ERC1: variants seen among roughly 807,000 people sequenced by gnomAD.
The protein encoded by ERC1 is RAB6 interacting protein 2.
Under a neutral mutation model 132.0 loss-of-function variants are expected in ERC1, and 56 were observed. That is an observed-to-expected ratio of 0.42 (90% CI 0.34 to 0.53). The LOEUF is 0.53. Among genes scored for constraint, ERC1 ranks in the 20% least tolerant of loss-of-function variants. The pLI is 0.03. For missense variants in ERC1, 1,202 were observed against 1,349.9 expected (o/e 0.89, Z 1.72); for synonymous variants, 478 against 476.1 (o/e 1.00, Z -0.05).
chr12:1,007,354 T>C (rs1332891487), intron 1 of ERC1, among the ~76,000 whole-genome samples: 5 of 152,164 alleles, frequency 3.3e-5, no homozygotes, highest in Non-Finnish European at 5.9e-5. Flanking sequence ...GGAAGCCAAC[T>C]AGGAGGCTGT....
chr12:1,206,293 C>T (rs2154287980), intron 12 of ERC1, among the ~76,000 whole-genome samples: 1 of 152,082 alleles, frequency 6.6e-6, no homozygotes, highest in East Asian at 1.9e-4. Context: ...TTTATTACTG[C>T]TTTGATACTG....
chr12:1,137,107 T>C (rs1949330082), intron 7 of ERC1, among the ~76,000 whole-genome samples: 1 of 145,938 alleles, frequency 6.9e-6, no homozygotes. Flanking sequence ...TTTCTTTTTT[T>C]TTTTTTTTTT....
At chr12:1,352,832 A>G (rs964010789) in intron 15 of ERC1, among the ~76,000 whole-genome samples, 4 of 152,194 alleles carry the variant, frequency 2.6e-5, no homozygotes, top group Non-Finnish European at 5.9e-5. Flanking sequence ...AAGTACATAC[A>G]AATACATATT....
At chr12:1,293,652 G>T (rs1054970564) in intron 15 of ERC1, among the ~76,000 whole-genome samples, 2 of 152,034 alleles carry the variant, frequency 1.3e-5, no homozygotes, top group Non-Finnish European at 2.9e-5. Context: ...AAAATTGTGG[G>T]GTTGTTCACA....
chr12:995,420 G>A (rs575143976), intron 1 of ERC1, among the ~76,000 whole-genome samples: 1 of 152,126 alleles, frequency 6.6e-6, no homozygotes, highest in Non-Finnish European at 1.5e-5. Context: ...GGTTGTTTGC[G>A]GGATGTGGGC....
At chr12:1,482,941 G>C (rs2094121325) in intron 18 of ERC1, among the ~76,000 whole-genome samples, 4 of 151,866 alleles carry the variant, frequency 2.6e-5, no homozygotes, top group Admixed American at 2.6e-4. Flanking sequence ...TCCTACCCCA[G>C]CCCCAAGCAG....
chr12:1,186,200 A>G (rs748775418), intron 11 of ERC1, among the ~76,000 whole-genome samples: 1 of 152,244 alleles, frequency 6.6e-6, no homozygotes, highest in Non-Finnish European at 1.5e-5. Flanking sequence ...AACCATTTTA[A>G]GGGACTAAAT....
intron 1 of ERC1, among the ~76,000 whole-genome samples, chr12:1,021,466 T>A (rs887531128): frequency 2.0e-5 from 3 of 150,516 alleles, no homozygotes; most frequent in Non-Finnish European, 4.4e-5. Context: ...CCCAGCACTT[T>A]GGGAGGCCGA....
At chr12:1,024,855 AAAG>A (rs1416899455) in intron 1 of ERC1, among the ~76,000 whole-genome samples, 2 of 152,092 alleles carry the variant, frequency 1.3e-5, no homozygotes, top group Non-Finnish European at 2.9e-5. Context: ...AAAAAAAAAA[AAAG>A]AAAATACTTG....
At chr12:1,380,209 T>A (rs2154377970) in intron 16 of ERC1, 1 of 152,310 alleles carries the variant, frequency 6.6e-6, no homozygotes, top group East Asian at 1.9e-4. Context: ...CAAGTTCCAT[T>A]CTCTTTCACT....
chr12:1,068,364 C>T (rs1159070599), intron 2 of ERC1, among the ~76,000 whole-genome samples: 5 of 151,950 alleles, frequency 3.3e-5, no homozygotes, highest in Non-Finnish European at 7.4e-5. Context: ...CTCAAAGATC[C>T]GTATGAAATT....
chr12:1,463,734 T>TGTGTGTGTG (rs1431465643), intron 18 of ERC1, among the ~76,000 whole-genome samples: 5 of 151,076 alleles, frequency 3.3e-5, no homozygotes, highest in Admixed American at 6.6e-5. Flanking sequence ...TGTGTGTGTC[T>TGTGTGTGTG]TGACAAACTG....
chr12:1,385,690 A>G (rs1259913232), intron 16 of ERC1: 2 of 152,192 alleles, frequency 1.3e-5, no homozygotes, highest in African/African-American at 2.4e-5. Context: ...CTCTCTTTGT[A>G]TTTAGACATC....
chr12:1,244,367 C>G (rs2076024059), intron 13 of ERC1, among the ~76,000 whole-genome samples: 1 of 152,034 alleles, frequency 6.6e-6, no homozygotes, highest in South Asian at 2.1e-4. Context: ...TTGATGTTTT[C>G]ATGAAATAGG....
chr12:997,176 G>C (rs994345243), intron 1 of ERC1, among the ~76,000 whole-genome samples: 8 of 152,242 alleles, frequency 5.3e-5, no homozygotes, highest in Non-Finnish European at 1.2e-4. Context: ...TTAGAAGCCT[G>C]TCAAGGGAAA....
chr12:1,404,338 T>A (rs1364063604), intron 16 of ERC1, among the ~76,000 whole-genome samples: 1 of 151,956 alleles, frequency 6.6e-6, no homozygotes, highest in Non-Finnish European at 1.5e-5. Context: ...CTCATCCATT[T>A]ACTTATTCAT....
At chr12:1,317,993 T>C (rs1166841863) in intron 15 of ERC1, among the ~76,000 whole-genome samples, 1 of 152,164 alleles carries the variant, frequency 6.6e-6, no homozygotes, top group Non-Finnish European at 1.5e-5. Context: ...TTTATAAAAA[T>C]GTTTTAAAAG....
At chr12:1,228,982 G>C (rs1197801563) in intron 12 of ERC1, among the ~76,000 whole-genome samples, 2 of 152,074 alleles carry the variant, frequency 1.3e-5, no homozygotes, top group African/African-American at 4.8e-5. Flanking sequence ...TTTTCTTATA[G>C]TATCCTTATC....
Position 1,004,510 on chromosome 12 carries a change from A to G in ERC1, c.-157+13188A>G, listed in dbSNP as rs530670983. Among the ~76,000 whole-genome samples the G allele has an allele frequency of 3.6e-4, 53 of 147,244 alleles. No homozygotes were observed. The South Asian group carries it at 0.01, about 28-fold the overall frequency. On this transcript the variant is annotated intron_variant, in intron 1 of 18. Coordinates refer to ENST00000360905, the MANE Select transcript of ERC1 (RefSeq NM_178040.4). ...CAACCTCCGCCTCCTGGGTTCAGAC[A>G]ATTCTCCTGCCTCAGCCTCCCAAGT...
Sources: allele counts gnomAD v4.1 joint callset (sites outside exome capture counted in the v4.1 genomes callset), GRCh38; gene constraint gnomAD v4.1.1; transcripts MANE v1.5; gene names NCBI Gene and HGNC (gene_info 2026-07-23, HGNC 2026-07-21).